Variants in PLPPR1 observed in about 807,000 individuals in gnomAD.
The protein encoded by PLPPR1 is phospholipid phosphatase-related protein type 1.
PLPPR1 carries 10 observed loss-of-function variants against 33.1 expected under a neutral mutation model. The observed-to-expected ratio is 0.30, with a 90% confidence interval of 0.19 to 0.51. PLPPR1 has a LOEUF of 0.51. Ranked by LOEUF, PLPPR1 falls within the 20% of genes least tolerant of loss-of-function variation. PLPPR1 has a pLI of 0.97. For synonymous variants in PLPPR1, 151 were observed against 151.0 expected (o/e 1.00, Z 0.00); for missense variants, 304 against 408.1 (o/e 0.74, Z 2.20).
In PLPPR1 at chr9:101,039,938, A is replaced by C. The variant is rs1334619473; in HGVS notation, c.-46+10836A>C. Among the ~76,000 whole-genome samples, 12 of 152,162 alleles carry C rather than the reference A, an allele frequency of 7.9e-5. No individual in the cohort carries two copies. The East Asian group carries it at 2.3e-3, about 29-fold the overall frequency. Reference sequence around the variant, plus strand: ...ATTGCCTCCTAAAAAAAAAAAAAAAAAATAGAGACTTAAACCAGAAGTTGA... The same window carrying C: ...ATTGCCTCCTAAAAAAAAAAAAAAACAATAGAGACTTAAACCAGAAGTTGA... On this transcript the variant is annotated intron_variant, in intron 1 of 7. Coordinates refer to ENST00000374874, the MANE Select transcript of PLPPR1 (RefSeq NM_207299.2).
intron 1 of PLPPR1, among the ~76,000 whole-genome samples, chr9:101,151,613 C>T (rs1831587315): frequency 6.6e-6 from 1 of 152,150 alleles, no homozygotes; most frequent in African/African-American, 2.4e-5. Context: ...AATGAAGCCT[C>T]CTGTGTGGCA....
chr9:101,194,293 T>C (rs1826353996), intron 2 of PLPPR1, among the ~76,000 whole-genome samples: 1 of 152,172 alleles, frequency 6.6e-6, no homozygotes, highest in African/African-American at 2.4e-5. Flanking sequence ...AATAAAATAA[T>C]AAAAGCATAA....
intron 4 of PLPPR1, among the ~76,000 whole-genome samples, chr9:101,295,236 A>T (rs1172272729): frequency 1.3e-5 from 2 of 152,010 alleles, no homozygotes; most frequent in South Asian, 2.1e-4. Flanking sequence ...TAGGAATCCA[A>T]CTTACAAGGG....
At chr9:101,108,570 C>A (rs1056527041) in intron 1 of PLPPR1, among the ~76,000 whole-genome samples, 2 of 152,128 alleles carry the variant, frequency 1.3e-5, no homozygotes, top group Non-Finnish European at 2.9e-5. Flanking sequence ...CAGGCATAGA[C>A]AAGAACTGTC....
intron 3 of PLPPR1, among the ~76,000 whole-genome samples, chr9:101,274,414 A>G (rs1271143308): frequency 6.6e-6 from 1 of 152,100 alleles, no homozygotes; most frequent in Admixed American, 6.6e-5. Context: ...ACAGCCACCC[A>G]TTTGGTTCCA....
intron 4 of PLPPR1, among the ~76,000 whole-genome samples, chr9:101,290,974 G>T (rs1417519824): frequency 6.6e-6 from 1 of 152,254 alleles, no homozygotes; most frequent in Non-Finnish European, 1.5e-5. Context: ...AGCCAAAGTA[G>T]GGCGAGGCAT....
intron 5 of PLPPR1, among the ~76,000 whole-genome samples, chr9:101,310,727 A>G (rs1173713715): frequency 6.6e-6 from 1 of 152,242 alleles, no homozygotes; most frequent in African/African-American, 2.4e-5. Context: ...GGTCTGATCT[A>G]TTTATTTAAA....
chr9:101,269,836 C>T (rs766681435), intron 2 of PLPPR1, 44 bp from the exon 3 acceptor site: 40 of 1,590,564 alleles, frequency 2.5e-5, no homozygotes, highest in South Asian at 5.5e-5. Context: ...AGGGCTGCTC[C>T]GAAGCCCTGC....
At chr9:101,276,186 A>G (rs1335235319) in intron 3 of PLPPR1, among the ~76,000 whole-genome samples, 1 of 152,146 alleles carries the variant, frequency 6.6e-6, no homozygotes, top group Non-Finnish European at 1.5e-5. Flanking sequence ...TTTATAATTC[A>G]CATCTTTTTT....
At chr9:101,097,957 C>T (rs1404519266) in intron 1 of PLPPR1, among the ~76,000 whole-genome samples, 1 of 152,140 alleles carries the variant, frequency 6.6e-6, no homozygotes, top group Non-Finnish European at 1.5e-5. Flanking sequence ...GAGAATGAGA[C>T]TAGAGTGTTC....
At chr9:101,052,741 T>C (rs1247528009) in intron 1 of PLPPR1, among the ~76,000 whole-genome samples, 2 of 152,204 alleles carry the variant, frequency 1.3e-5, no homozygotes, top group Non-Finnish European at 2.9e-5. Context: ...GCAAGTTCTA[T>C]GGCCAAGCCC....
chr9:101,147,923 GC>G (rs1564158171), intron 1 of PLPPR1, among the ~76,000 whole-genome samples: 1 of 152,152 alleles, frequency 6.6e-6, no homozygotes, highest in African/African-American at 2.4e-5. Context: ...AGTCCAAGGG[GC>G]TTTCTTTTTC....
chr9:101,239,343 A>G (rs756678629), intron 2 of PLPPR1, among the ~76,000 whole-genome samples: 8 of 151,928 alleles, frequency 5.3e-5, no homozygotes, highest in Non-Finnish European at 1.0e-4. Flanking sequence ...CCAGCAGTGT[A>G]TGAGTTCCCT....
At chr9:101,056,528 G>A (rs1254129593) in intron 1 of PLPPR1, among the ~76,000 whole-genome samples, 1 of 152,126 alleles carries the variant, frequency 6.6e-6, no homozygotes, top group Non-Finnish European at 1.5e-5. Context: ...TTGTTTTTCT[G>A]TAGCAATACC....
At chr9:101,057,254 T>G (rs564533102) in intron 1 of PLPPR1, among the ~76,000 whole-genome samples, 14 of 152,286 alleles carry the variant, frequency 9.2e-5, no homozygotes, top group African/African-American at 3.4e-4. Flanking sequence ...TAATCCAATT[T>G]TTTAGTGTAA....
chr9:101,063,112 C>T (rs1032066111), intron 1 of PLPPR1, among the ~76,000 whole-genome samples: 1 of 152,044 alleles, frequency 6.6e-6, no homozygotes, highest in African/African-American at 2.4e-5. Context: ...TTTTCTAAAA[C>T]ATATAAAGTG....
At chr9:101,165,603 C>T (rs1359529598) in intron 1 of PLPPR1, among the ~76,000 whole-genome samples, 1 of 152,120 alleles carries the variant, frequency 6.6e-6, no homozygotes, top group East Asian at 1.9e-4. Flanking sequence ...TAATAATCTG[C>T]TCCATGCTGT....
chr9:101,292,050 G>A (rs538720257), intron 4 of PLPPR1, among the ~76,000 whole-genome samples: 2 of 152,238 alleles, frequency 1.3e-5, no homozygotes, highest in Admixed American at 6.5e-5. Context: ...TGAAAAAAAT[G>A]TAGACGAATA....
At chr9:101,078,049 G>T (rs1218592628) in intron 1 of PLPPR1, among the ~76,000 whole-genome samples, 1 of 144,354 alleles carries the variant, frequency 6.9e-6, no homozygotes, top group African/African-American at 2.6e-5. Context: ...AAGTCAAATG[G>T]CTTTACCTGG....
Sources: allele counts gnomAD v4.1 joint callset (sites outside exome capture counted in the v4.1 genomes callset), GRCh38; gene constraint gnomAD v4.1.1; transcripts MANE v1.5; gene names NCBI Gene and HGNC (gene_info 2026-07-23, HGNC 2026-07-21).